The following CEP112 variants were observed in gnomAD, a reference collection of about 807,000 sequenced individuals.
CEP112 encodes the protein centrosomal protein 112.
Under a neutral mutation model 153.0 loss-of-function variants are expected in CEP112, and 127 were observed. The observed-to-expected ratio is 0.83, with a 90% CI of 0.72 to 0.96. CEP112 has a LOEUF of 0.96. Ranked by LOEUF, CEP112 falls within the 40% of genes least tolerant of loss-of-function variation. The probability of loss-of-function intolerance (pLI) is 0.00; values close to 1 mark genes in which losing one functional copy is unlikely to be tolerated. For synonymous variants in CEP112, 358 were observed against 374.4 expected, an observed-to-expected ratio of 0.96 and a Z score of 0.51; for missense variants, 1,089 against 1,101.2, an observed-to-expected ratio of 0.99 and a Z score of 0.16.
chr17:66,141,005 C>G (rs2146608718), intron 4 of CEP112, among the ~76,000 whole-genome samples: 1 of 152,130 alleles, frequency 6.6e-6, no homozygotes, highest in South Asian at 2.1e-4. Flanking sequence ...GTGAGTACTA[C>G]TTCTTTATTG....
At chr17:65,769,868 G>A (rs1009394316) in intron 21 of CEP112, among the ~76,000 whole-genome samples, 5 of 151,910 alleles carry the variant, frequency 3.3e-5, no homozygotes, top group African/African-American at 1.2e-4. Context: ...TTGTTGTTAG[G>A]ATGAATGGCA....
chr17:66,098,132 C>T (rs748509283), intron 6 of CEP112, among the ~76,000 whole-genome samples: 1 of 152,168 alleles, frequency 6.6e-6, no homozygotes, highest in Non-Finnish European at 1.5e-5. Flanking sequence ...ATAAGGCAAA[C>T]GCAGAGCTGT....
chr17:65,888,724 C>A (rs1176413332), intron 20 of CEP112, among the ~76,000 whole-genome samples: 1 of 152,114 alleles, frequency 6.6e-6, no homozygotes, highest in Admixed American at 6.6e-5. Context: ...ATACTTCAAG[C>A]AATGTAATGG....
rs374069216 is a variant in CEP112 at position 65,834,439 on chromosome 17, C to T, written c.2394+17365G>A. ...AACCTACAGAATGGGAAAAAATATT[C>T]GCAAACTATGCATGTAACAAAGGTC... On this transcript the variant is annotated intron_variant, in intron 21 of 26. Transcript: ENST00000535342. Among the ~76,000 whole-genome samples, 212 of 152,068 alleles carry T rather than the reference C, an allele frequency of 1.4e-3. 3 individuals are homozygous for T. Among genetic ancestry groups the T allele is most frequent in the African/African-American group, 4.4e-3 (184 of 41,518 alleles).
chr17:66,027,606 A>G (rs2065271074), intron 15 of CEP112, 46 bp from the exon 16 acceptor site: 2 of 1,121,680 alleles, frequency 1.8e-6, no homozygotes, highest in Non-Finnish European at 2.4e-6. Flanking sequence ...AAATTATACT[A>G]GAGTCAATAA....
At chr17:65,936,793 T>TCTCCCCCCCCCCCCCCTCCTC (rs2061321367) in intron 18 of CEP112, among the ~76,000 whole-genome samples, 1 of 109,534 alleles carries the variant, frequency 9.1e-6, no homozygotes, top group African/African-American at 3.2e-5. Flanking sequence ...TCCGTCTACC[T>TCTCCCCCCCCCCCCCCTCCTC]CTCCCCCTCC....
chr17:65,726,274 G>C (rs569463732), intron 23 of CEP112, among the ~76,000 whole-genome samples: 4 of 152,192 alleles, frequency 2.6e-5, no homozygotes, highest in African/African-American at 7.2e-5. Context: ...GGGAGGCAGA[G>C]GTTGCAGTGA....
chr17:65,784,390 C>T (rs557710886), intron 21 of CEP112, among the ~76,000 whole-genome samples: 45 of 152,188 alleles, frequency 3.0e-4, no homozygotes, highest in Non-Finnish European at 4.9e-4. Flanking sequence ...TTCATCTTTC[C>T]ACTTTAAACC....
At chr17:66,058,493 A>C (rs1288785477) in intron 11 of CEP112, among the ~76,000 whole-genome samples, 1 of 115,196 alleles carries the variant, frequency 8.7e-6, no homozygotes, top group Non-Finnish European at 1.9e-5. Context: ...ACAGAATTAG[A>C]AAAAAGATTC....
intron 21 of CEP112, among the ~76,000 whole-genome samples, chr17:65,839,277 G>T (rs1389660892): frequency 6.6e-6 from 1 of 151,986 alleles, no homozygotes; most frequent in Non-Finnish European, 1.5e-5. Flanking sequence ...CTAGCAAACT[G>T]AATTCAGCAA....
intron 21 of CEP112, among the ~76,000 whole-genome samples, chr17:65,774,686 G>A (rs554729179): frequency 6.6e-6 from 1 of 152,278 alleles, no homozygotes; most frequent in African/African-American, 2.4e-5. Flanking sequence ...CCTACCCCAT[G>A]GCATGATAGA....
At chr17:65,832,007 T>C (rs1177412985) in intron 21 of CEP112, among the ~76,000 whole-genome samples, 1 of 152,096 alleles carries the variant, frequency 6.6e-6, no homozygotes, top group African/African-American at 2.4e-5. Flanking sequence ...TACCACAGTG[T>C]AATAAAAATA....
intron 11 of CEP112, among the ~76,000 whole-genome samples, chr17:66,058,256 A>G (rs1055130767): frequency 2.6e-5 from 4 of 152,170 alleles, no homozygotes; most frequent in Admixed American, 2.0e-4. Context: ...AAACTAGAAT[A>G]TATGAAATTA....
intron 21 of CEP112, among the ~76,000 whole-genome samples, chr17:65,851,555 A>G (rs1348621761): frequency 6.6e-6 from 1 of 152,220 alleles, no homozygotes; most frequent in African/African-American, 2.4e-5. Flanking sequence ...GTATTTAATT[A>G]CTATGGAATA....
chr17:66,169,945 C>G (rs1362686632), intron 4 of CEP112, among the ~76,000 whole-genome samples: 2 of 152,134 alleles, frequency 1.3e-5, no homozygotes, highest in Non-Finnish European at 2.9e-5. Context: ...ATGATTGGAC[C>G]AGACCTGGGT....
At chr17:65,963,914 T>C (rs1015741721) in intron 17 of CEP112, among the ~76,000 whole-genome samples, 51 of 152,328 alleles carry the variant, frequency 3.3e-4, no homozygotes, top group African/African-American at 1.1e-3. Context: ...CAAAACAGTT[T>C]TTCCACTAAA....
intron 22 of CEP112, among the ~76,000 whole-genome samples, chr17:65,746,087 C>T (rs2051433437): frequency 6.9e-6 from 1 of 145,870 alleles, no homozygotes; most frequent in Non-Finnish European, 1.5e-5. Flanking sequence ...ATCACTTGAA[C>T]CCGGGAGGCG....
chr17:65,710,966 G>A (rs2049152231), intron 23 of CEP112, among the ~76,000 whole-genome samples: 1 of 152,154 alleles, frequency 6.6e-6, no homozygotes, highest in Non-Finnish European at 1.5e-5. Flanking sequence ...ACACAAACAG[G>A]TTCATGTAAT....
chr17:66,031,480 TTTTTTG>T (rs1568405880), intron 12 of CEP112, among the ~76,000 whole-genome samples: 10 of 23,880 alleles, frequency 4.2e-4, no homozygotes, highest in Admixed American at 1.6e-3. Context: ...TTTGTTTTTT[TTTTTTG>T]TTTTTTTTTT....
Sources: gnomAD v4.1 joint callset for allele counts (sites outside exome capture counted in the v4.1 genomes callset) on GRCh38, gnomAD v4.1.1 for gene constraint, MANE v1.5 for transcripts, NCBI Gene and HGNC (gene_info 2026-07-23, HGNC 2026-07-21) for gene names.